SPHKAP: variants seen among roughly 807,000 people sequenced by gnomAD.
SPHKAP encodes SPHK1 interactor, AKAP domain containing, also known as A-kinase anchor protein SPHKAP.
In SPHKAP, 67 loss-of-function variants were observed where a neutral mutation model predicts 137.5. That is an observed-to-expected ratio of 0.49 (90% CI 0.40 to 0.60). The LOEUF is 0.60. Ranked by LOEUF, SPHKAP falls within the 20% of genes least tolerant of loss-of-function variation. The probability of loss-of-function intolerance (pLI) is 0.00; values close to 1 mark genes in which losing one functional copy is unlikely to be tolerated. For synonymous variants in SPHKAP, 813 were observed against 785.3 expected, an observed-to-expected ratio of 1.04 and a Z score of -0.59; for missense variants, 2,097 against 2,069.3, an observed-to-expected ratio of 1.01 and a Z score of -0.26.
At chr2:228,023,884 G>A (rs1014271829) in intron 5 of SPHKAP, among the ~76,000 whole-genome samples, 2 of 152,120 alleles carry the variant, frequency 1.3e-5, no homozygotes, top group Non-Finnish European at 2.9e-5. Flanking sequence ...TTCAGAAATG[G>A]GCATGTGACA....
At chr2:228,053,218 C>G (rs775218614) in intron 3 of SPHKAP, among the ~76,000 whole-genome samples, 2 of 152,106 alleles carry the variant, frequency 1.3e-5, no homozygotes, top group Non-Finnish European at 2.9e-5. Flanking sequence ...CCTATAAAAT[C>G]AGGACCCCAT....
chr2:227,993,013 TC>T (rs1693473633), intron 9 of SPHKAP, among the ~76,000 whole-genome samples: 1 of 152,176 alleles, frequency 6.6e-6, no homozygotes, highest in Admixed American at 6.5e-5. Flanking sequence ...CTTCTCTAAG[TC>T]CTTTTTTCCT....
intron 1 of SPHKAP, among the ~76,000 whole-genome samples, chr2:228,151,653 T>C (rs921642768): frequency 1.1e-4 from 16 of 152,150 alleles, no homozygotes; most frequent in Non-Finnish European, 1.8e-4. Flanking sequence ...TATCTCATTG[T>C]GGTTTTGATT....
chr2:228,012,589 T>C (rs1341516060), intron 7 of SPHKAP, among the ~76,000 whole-genome samples: 2 of 152,240 alleles, frequency 1.3e-5, no homozygotes, highest in African/African-American at 2.4e-5. Context: ...GGTTTTCCTA[T>C]GTACTCTCCC....
At chr2:228,067,484 A>G (rs1273605178) in intron 3 of SPHKAP, among the ~76,000 whole-genome samples, 1 of 152,208 alleles carries the variant, frequency 6.6e-6, no homozygotes, top group African/African-American at 2.4e-5. Context: ...GTAAATTGAT[A>G]GGCTCTCCGG....
At chr2:228,024,670 G>A (rs539020356) in intron 5 of SPHKAP, among the ~76,000 whole-genome samples, 181 of 152,212 alleles carry the variant, frequency 1.2e-3, no homozygotes, top group African/African-American at 4.3e-3. Context: ...ACCCAAGGAA[G>A]AACAATTTGT....
Position 228,045,006 on chromosome 2 carries a change from A to C in SPHKAP, c.247-17463T>G, listed in dbSNP as rs373190537. On this transcript the variant is annotated intron_variant, in intron 3 of 11. Coordinates refer to ENST00000392056, the MANE Select transcript of SPHKAP (RefSeq NM_001142644.2). ...AAAAACACATGAAAAAATGCTCATCATCACTGGCCATCAGAGAAATGCAAA... is the reference window on the plus strand; with the variant it reads ...AAAAACACATGAAAAAATGCTCATCCTCACTGGCCATCAGAGAAATGCAAA... Among the ~76,000 whole-genome samples, 107 of 152,252 alleles carry C rather than the reference A, an allele frequency of 7.0e-4. 1 individual carries two copies. The highest frequency in any genetic ancestry group is 3.4e-3 in the Middle Eastern group (1 of 294).
At chr2:228,099,913 A>C (rs1192104696) in intron 3 of SPHKAP, among the ~76,000 whole-genome samples, 1 of 151,426 alleles carries the variant, frequency 6.6e-6, no homozygotes, top group African/African-American at 2.4e-5. Context: ...GCAGTGGCGC[A>C]ATCTCGGCTC....
At chr2:228,144,586 C>T (rs1389261588) in intron 1 of SPHKAP, among the ~76,000 whole-genome samples, 3 of 151,846 alleles carry the variant, frequency 2.0e-5, no homozygotes, top group African/African-American at 4.8e-5. Flanking sequence ...TATTTTGTGA[C>T]TAGACAAAGT....
At chr2:228,027,421 G>A in intron 4 of SPHKAP, 63 bp downstream of exon 4, 2 of 1,519,624 alleles carry the variant, frequency 1.3e-6, no homozygotes, top group Non-Finnish European at 1.8e-6. Context: ...ATTATTTACA[G>A]ATGAAATCAA....
rs1452015303 is a variant in SPHKAP, at chr2:228,019,341, T to A, written c.1513A>T (p.Thr505Ser). 6.2e-7 allele frequency: 1 copy of A among 1,614,170 alleles called. No individual in the cohort carries two copies. The change falls in exon 7 of 12, where the codon ACT (threonine) becomes TCT (serine). Residue 505 changes from threonine to serine, a missense_variant. Transcript: ENST00000392056. ...ALEVALACAA[T>S]VIGTISSPQA... Reference sequence around the variant, plus strand: ...GGACTGGAAATAGTTCCAATCACAGTGGCTGCACAAGCTAACGCCACTTCT... The same window carrying A: ...GGACTGGAAATAGTTCCAATCACAGAGGCTGCACAAGCTAACGCCACTTCT...
intron 11 of SPHKAP, among the ~76,000 whole-genome samples, chr2:227,983,903 CTGAGTGGGAATATACGT>C (rs1226238610): frequency 6.6e-6 from 1 of 152,012 alleles, no homozygotes; most frequent in Admixed American, 6.6e-5. Flanking sequence ...CACGTGGTGA[CTGAGTGGGAATATACGT>C]TGTGGGGGTG....
chr2:227,986,036 A>T (rs767815354), intron 11 of SPHKAP, among the ~76,000 whole-genome samples: 1 of 152,294 alleles, frequency 6.6e-6, no homozygotes, highest in Non-Finnish European at 1.5e-5. Context: ...CCCAGAGAAG[A>T]TTCTGATCTA....
intron 2 of SPHKAP, among the ~76,000 whole-genome samples, chr2:228,122,105 A>T (rs1698925681): frequency 6.6e-6 from 1 of 152,076 alleles, no homozygotes. Flanking sequence ...GATTAGATAT[A>T]TTCAATGTAA....
intron 2 of SPHKAP, among the ~76,000 whole-genome samples, chr2:228,117,739 A>T (rs1698757960): frequency 6.6e-6 from 1 of 152,048 alleles, no homozygotes; most frequent in Admixed American, 6.6e-5. Context: ...GAACAGTTTC[A>T]TCACCTTCCT....
At chr2:228,129,931 G>C (rs1218186989) in intron 2 of SPHKAP, among the ~76,000 whole-genome samples, 3 of 151,534 alleles carry the variant, frequency 2.0e-5, no homozygotes, top group Non-Finnish European at 4.4e-5. Context: ...CGAGTAGCTG[G>C]GACTACAGGC....
intron 4 of SPHKAP, 87 bp from the exon 5 acceptor site, chr2:228,025,615 C>A: frequency 6.8e-7 from 1 of 1,471,382 alleles, no homozygotes; most frequent in South Asian, 1.3e-5. Context: ...AAATAATACT[C>A]ATAACTGCTC....
rs557351690 is a variant in SPHKAP, at chr2:228,017,735, T to C, written c.3119A>G (p.Asn1040Ser). 8 of 1,613,978 alleles carry C rather than the reference T, an allele frequency of 5.0e-6. No homozygotes were observed. The highest frequency in any genetic ancestry group is 2.7e-5 in the African/African-American group (2 of 74,924). Reference sequence around the variant, plus strand: ...GTTCATGATCTTGGCTGCCACTTCATTGGCAAAAAGATTGACAGAATCTGG... The same window carrying C: ...GTTCATGATCTTGGCTGCCACTTCACTGGCAAAAAGATTGACAGAATCTGG... ...DVPDSVNLFANEVAAKIMNLT... is the reference protein window; with the variant it reads ...DVPDSVNLFASEVAAKIMNLT... The change falls in exon 7 of 12, where the codon AAT becomes AGT. Residue 1040 changes from asparagine to serine, a missense_variant. Coordinates refer to ENST00000392056, the MANE Select transcript of SPHKAP (RefSeq NM_001142644.2).
intron 3 of SPHKAP, among the ~76,000 whole-genome samples, chr2:228,082,396 C>T (rs1025565989): frequency 6.6e-6 from 1 of 152,052 alleles, no homozygotes; most frequent in Non-Finnish European, 1.5e-5. Flanking sequence ...TGCTGTAAAA[C>T]CTTAGGGAGA....
Sources: allele counts gnomAD v4.1 joint callset (sites outside exome capture counted in the v4.1 genomes callset), GRCh38; gene constraint gnomAD v4.1.1; transcripts MANE v1.5; gene names NCBI Gene and HGNC (gene_info 2026-07-23, HGNC 2026-07-21).